YTHDF1: variants seen among roughly 807,000 people sequenced by gnomAD.
YTHDF1 encodes the protein YTH N6-methyladenosine RNA binding protein F1.
Under a neutral mutation model 49.1 loss-of-function variants are expected in YTHDF1, and 16 were observed. The ratio of observed to expected loss-of-function variants is 0.33; its 90% confidence interval spans 0.22 to 0.49. The LOEUF (loss-of-function observed/expected upper bound fraction) is 0.49, where lower values mean the gene tolerates loss of function less well. YTHDF1 is among the 20% of genes least tolerant of loss of function. YTHDF1 has a pLI of 0.99. For synonymous variants in YTHDF1, 313 were observed against 290.1 expected, an observed-to-expected ratio of 1.08 and a Z score of -0.80; for missense variants, 621 against 744.3, an observed-to-expected ratio of 0.83 and a Z score of 1.93.
At chr20:63,212,234 A>C (rs2066577984) in intron 3 of YTHDF1, among the ~76,000 whole-genome samples, 1 of 152,242 alleles carries the variant, frequency 6.6e-6, no homozygotes, top group Admixed American at 6.5e-5. Flanking sequence ...CAAGAAACAG[A>C]AGCAGGGTCG....
At position 63,196,664 on chromosome 20, in the gene YTHDF1, T is replaced by C. The variant is rs202048114; in HGVS notation, c.*44A>G. Reference sequence around the variant, plus strand: ...GACCAAGCACACGTGTTTTAAACTGTTTTCAAAGTCAAACGTTAGAACATG... The same window carrying C: ...GACCAAGCACACGTGTTTTAAACTGCTTTCAAAGTCAAACGTTAGAACATG... On this transcript the variant is annotated 3_prime_UTR_variant, in exon 5 of 5. Coordinates refer to ENST00000370339, the MANE Select transcript of YTHDF1 (RefSeq NM_017798.4). The C allele has an allele frequency of 6.2e-7, 1 of 1,612,746 alleles. No homozygotes were observed. Among genetic ancestry groups the C allele is most frequent in the Non-Finnish European group, 8.5e-7 (1 of 1,179,206 alleles).
chr20:63,197,613 C>T (rs6090291), intron 4 of YTHDF1, among the ~76,000 whole-genome samples: 5,239 of 152,200 alleles, frequency 0.034, 294 homozygotes, highest in African/African-American at 0.12. Flanking sequence ...AGTGTGGTGG[C>T]GCACCCTGTA....
At chr20:63,208,110 A>G (rs1034945651) in intron 3 of YTHDF1, among the ~76,000 whole-genome samples, 2 of 152,214 alleles carry the variant, frequency 1.3e-5, no homozygotes, top group African/African-American at 4.8e-5. Flanking sequence ...ATTTAAGTTG[A>G]AGTTCAATGG....
intron 2 of YTHDF1, 73 bp from the exon 3 acceptor site, chr20:63,214,016 G>A: frequency 6.6e-7 from 1 of 1,525,386 alleles, no homozygotes. Flanking sequence ...GGCAAAGTTA[G>A]CAAAGTCTAT....
Position 63,196,742 on chromosome 20 carries a change from A to C in YTHDF1, c.1654-8T>G, listed in dbSNP as rs2066494339. The C allele has an allele frequency of 6.2e-7, 1 of 1,614,088 alleles. No homozygotes were observed. The highest frequency in any genetic ancestry group is 8.5e-7 in the Non-Finnish European group (1 of 1,179,966). On this transcript the variant is annotated splice_polypyrimidine_tract_variant and splice_region_variant and intron_variant, in intron 4 of 4. Coordinates refer to ENST00000370339, the MANE Select transcript of YTHDF1 (RefSeq NM_017798.4). ...GTTTCGACTCTGCCGTTCCTGTAAAAAGAAAAAACAAAAGTTGAACGCAGA... is the reference window on the plus strand; with the variant it reads ...GTTTCGACTCTGCCGTTCCTGTAAACAGAAAAAACAAAAGTTGAACGCAGA...
chr20:63,215,034 T>A (rs1345735479), intron 2 of YTHDF1, among the ~76,000 whole-genome samples: 1 of 152,188 alleles, frequency 6.6e-6, no homozygotes, highest in African/African-American at 2.4e-5. Flanking sequence ...TGAACCGTAT[T>A]TGGTTACACC....
Position 63,205,526 on chromosome 20 carries a change from T to G in YTHDF1, c.133-1719A>C, listed in dbSNP as rs563315662. Among the ~76,000 whole-genome samples the G allele has an allele frequency of 1.2e-4, 18 of 151,908 alleles. No homozygotes were observed. In the East Asian group the frequency reaches 1.7e-3, roughly 15 times the overall value. On this transcript the variant is annotated intron_variant, in intron 3 of 4. Transcript: ENST00000370339. ...TTCCAGAACCCCCCCCTTTTTTTTTTGGGACGAAGTCTCACTTTGTCGCCC... is the reference window on the plus strand; with the variant it reads ...TTCCAGAACCCCCCCCTTTTTTTTTGGGGACGAAGTCTCACTTTGTCGCCC...
intron 3 of YTHDF1, among the ~76,000 whole-genome samples, chr20:63,204,491 C>T (rs1007219598): frequency 5.9e-5 from 9 of 152,300 alleles, no homozygotes; most frequent in Non-Finnish European, 8.8e-5. Context: ...CTGGGCACAG[C>T]GTTGGGCTCT....
At chr20:63,209,508 GC>G (rs2066563874) in intron 3 of YTHDF1, among the ~76,000 whole-genome samples, 1 of 152,040 alleles carries the variant, frequency 6.6e-6, no homozygotes, top group Non-Finnish European at 1.5e-5. Context: ...AGTGGCTCAT[GC>G]CTATAATCCC....
chr20:63,212,640 C>T (rs1172402113), intron 3 of YTHDF1, among the ~76,000 whole-genome samples: 5 of 152,310 alleles, frequency 3.3e-5, no homozygotes, highest in Non-Finnish European at 5.9e-5. Flanking sequence ...GTCTGATTCC[C>T]GAGTTGGACT....
chr20:63,209,764 T>C (rs1001010858), intron 3 of YTHDF1, among the ~76,000 whole-genome samples: 1 of 152,142 alleles, frequency 6.6e-6, no homozygotes, highest in Non-Finnish European at 1.5e-5. Context: ...AAAACACATA[T>C]TAGCCTAGGC....
rs192483581 is a variant in YTHDF1 at position 63,208,652 on chromosome 20, G to A, written c.133-4845C>T. On this transcript the variant is annotated intron_variant, in intron 3 of 4. Transcript: ENST00000370339. ...GTCCTTCCAGCTGCGTTTCTGGGAA[G>A]CCGTTGTGATGGCAAATGCCTACTT... 9.2e-4 allele frequency among the ~76,000 whole-genome samples: 140 copies of A among 152,324 alleles called. 2 individuals are homozygous for A. The highest frequency in any genetic ancestry group is 8.3e-3 in the Admixed American group (127 of 15,298).
intron 3 of YTHDF1, among the ~76,000 whole-genome samples, chr20:63,212,400 C>T (rs537297922): frequency 5.9e-5 from 9 of 152,342 alleles, no homozygotes; most frequent in African/African-American, 1.9e-4. Flanking sequence ...TTTATTCCTT[C>T]ACAGAGAAGA....
At chr20:63,204,214 A>C (rs138251710) in intron 3 of YTHDF1, among the ~76,000 whole-genome samples, 82 of 152,368 alleles carry the variant, frequency 5.4e-4, no homozygotes, top group African/African-American at 1.9e-3. Context: ...CAGCTTTGTA[A>C]GGCAGAGATA....
At chr20:63,204,255 C>T (rs985550701) in intron 3 of YTHDF1, among the ~76,000 whole-genome samples, 2 of 152,210 alleles carry the variant, frequency 1.3e-5, no homozygotes, top group Admixed American at 1.3e-4. Context: ...TGTGCAGGGC[C>T]GTGAGGCAGT....
At position 63,203,456 on chromosome 20, in the gene YTHDF1, C is replaced by T; in HGVS notation, c.484G>A (p.Val162Met). 6.2e-7 allele frequency: 1 copy of T among 1,612,932 alleles called. No individual in the cohort carries two copies. The highest frequency in any genetic ancestry group is 8.5e-7 in the Non-Finnish European group (1 of 1,179,640). Residue 162 changes from valine (V) to methionine (M), a missense_variant, in exon 4 of 5, where the codon GTG becomes ATG. By Grantham distance (21) the Val-to-Met change is conservative. Around this residue, in one of 2 missense-constraint regions of YTHDF1, gnomAD observed 470 missense variants for 495.8 expected, o/e 0.95. Transcript: ENST00000370339. This position sits in a 1 kb window ranked among gnomAD's most constrained non-coding sequence, Gnocchi z 4.4. ...TYPPSSLGGT[V>M]VDGQPGFHSD... is the part of the protein sequence containing the mutation. Reference sequence around the variant, plus strand: ...TGAAAGCCTGGCTGCCCATCAACCACCGTGCCACCCAGGGAGCTCGGGGGG... The same window carrying T: ...TGAAAGCCTGGCTGCCCATCAACCATCGTGCCACCCAGGGAGCTCGGGGGG...
intron 4 of YTHDF1, among the ~76,000 whole-genome samples, chr20:63,200,371 T>C (rs1427801238): frequency 6.6e-6 from 1 of 151,890 alleles, no homozygotes; most frequent in Non-Finnish European, 1.5e-5. Flanking sequence ...AAAAAAAAGC[T>C]ATTTGAAATT....
At chr20:63,215,785 C>G in intron 1 of YTHDF1, 81 bp downstream of exon 1, 9 of 1,414,130 alleles carry the variant, frequency 6.4e-6, no homozygotes, top group Non-Finnish European at 8.3e-6. Flanking sequence ...CGACCCCGGG[C>G]TCTGCGTTCC....
chr20:63,203,734 G>A lies in YTHDF1; in HGVS notation c.206C>T (p.Ser69Phe). 6.2e-7 allele frequency: 1 copy of A among 1,614,112 alleles called. No individual in the cohort carries two copies. The highest frequency in any genetic ancestry group is 8.5e-7 in the Non-Finnish European group (1 of 1,179,988). ...YYPPSIGFPY[S>F]LNEAPWSTAG... ...AGTAGACCACGGAGCCTCATTGAGG[G>A]AGTAAGGAAATCCAATGGACGGCGG... is the stretch of plus-strand genomic sequence containing the variant. Residue 69 changes from serine (S) to phenylalanine (F), a missense_variant, in exon 4 of 5, where the codon TCC becomes TTC. Transcript: ENST00000370339. The surrounding 1 kb of genome is among the most constrained non-coding windows in gnomAD (Gnocchi z 4.4).
Sources: gnomAD v4.1 joint callset for allele counts (sites outside exome capture counted in the v4.1 genomes callset) on GRCh38, gnomAD v4.1.1 for gene constraint, gnomAD v4.1.1 regional missense constraint, Gnocchi (gnomAD v3.1) non-coding constraint, MANE v1.5 for transcripts, NCBI Gene and HGNC (gene_info 2026-07-23, HGNC 2026-07-21) for gene names.